OXNAD1: variants seen among roughly 807,000 people sequenced by gnomAD.
OXNAD1 encodes oxidoreductase NAD binding domain containing 1, also known as oxidoreductase NAD-binding domain-containing protein 1.
Under a neutral mutation model 32.9 loss-of-function variants are expected in OXNAD1, and 34 were observed. The observed-to-expected ratio is 1.03, with a 90% CI of 0.79 to 1.38. The LOEUF (loss-of-function observed/expected upper bound fraction) is 1.38, where lower values mean the gene tolerates loss of function less well. Among genes scored for constraint, OXNAD1 ranks in the 40% most tolerant of loss-of-function variants. The pLI is 0.00. For synonymous variants in OXNAD1, 134 were observed against 135.2 expected (o/e 0.99, Z 0.06); for missense variants, 407 against 379.4 (o/e 1.07, Z -0.60).
intron 9 of OXNAD1, among the ~76,000 whole-genome samples, chr3:16,328,441 G>T (rs1437443871): frequency 6.6e-6 from 1 of 152,232 alleles, no homozygotes; most frequent in Non-Finnish European, 1.5e-5. Flanking sequence ...AGGCAGAGGA[G>T]GAACAACCTA....
At position 16,326,914 on chromosome 3, in the gene OXNAD1, AC is replaced by A. The variant is rs779735356; in HGVS notation, c.*31-10197del. On this transcript the variant is annotated intron_variant, in intron 9 of 9. Coordinates refer to the OXNAD1 transcript ENST00000435829. ...GGCCAGCATTAGGGCTGCTGCTGCCACAAGCCAACTCCCAGGCAATGAGAGG... is the reference window on the plus strand; with the variant it reads ...GGCCAGCATTAGGGCTGCTGCTGCCAAAGCCAACTCCCAGGCAATGAGAGG... 3.3e-6 allele frequency: 5 copies of A among 1,516,232 alleles called. No individual in the cohort carries two copies. In the South Asian group the frequency reaches 3.4e-5, roughly 10 times the overall value. 93.9% of individuals were successfully genotyped at this position (1,516,232 alleles called of 1,614,324 possible).
chr3:16,330,267 C>T (rs1040656915), intron 9 of OXNAD1, among the ~76,000 whole-genome samples: 3 of 152,154 alleles, frequency 2.0e-5, no homozygotes, highest in African/African-American at 4.8e-5. Flanking sequence ...TCTCCCACTC[C>T]GACTATTTGG....
At position 16,327,137 on chromosome 3, in the gene OXNAD1, G is replaced by A. The variant is rs1366894023; in HGVS notation, c.*31-9975G>A. Among the ~76,000 whole-genome samples the A allele has an allele frequency of 6.6e-6, 1 of 152,182 alleles. No homozygotes were observed. Among genetic ancestry groups the A allele is most frequent in the Non-Finnish European group, 1.5e-5 (1 of 68,032 alleles). ...GCCAAAAGATTAATCCATTAATTTTGTTTGATTCTTGTCTGGACAAATAGC... is the reference window on the plus strand; with the variant it reads ...GCCAAAAGATTAATCCATTAATTTTATTTGATTCTTGTCTGGACAAATAGC... On this transcript the variant is annotated intron_variant, in intron 9 of 9. Transcript: ENST00000435829. The surrounding 1 kb of genome is among the most constrained non-coding windows in gnomAD (Gnocchi z 4.2).
chr3:16,311,624 C>G (rs960062632), intron 9 of OXNAD1, among the ~76,000 whole-genome samples: 6 of 152,124 alleles, frequency 3.9e-5, no homozygotes, highest in Non-Finnish European at 7.4e-5. Context: ...CCCTCATTCC[C>G]CAATCATTTG....
chr3:16,270,900 A>G, intron 2 of OXNAD1, 45 bp from the exon 3 acceptor site: 1 of 1,611,786 alleles, frequency 6.2e-7, no homozygotes, highest in Non-Finnish European at 8.5e-7. Flanking sequence ...ATATTTCCCC[A>G]CTTTTAAAAA....
intron 1 of OXNAD1, 71 bp from the exon 2 acceptor site, chr3:16,269,055 G>T: frequency 7.6e-7 from 1 of 1,314,792 alleles, no homozygotes; most frequent in African/African-American, 1.5e-5. Flanking sequence ...CTTTCCTTTG[G>T]CAGCTAAGAG....
rs907291887 is a variant in OXNAD1, at chr3:16,297,645, G to A, written c.432+2648G>A. 1.3e-5 allele frequency among the ~76,000 whole-genome samples: 2 copies of A among 152,168 alleles called. No individual in the cohort carries two copies. Among genetic ancestry groups the A allele is most frequent in the Non-Finnish European group, 2.9e-5 (2 of 68,042 alleles). ...GATAACTTGTGATATAGTCATACAA[G>A]GGACTATTAAAGAGATGAATTATTG... On this transcript the variant is annotated intron_variant, in intron 6 of 8. Transcript: ENST00000285083. This position sits in a 1 kb window ranked among gnomAD's most constrained non-coding sequence, Gnocchi z 4.3.
intron 9 of OXNAD1, among the ~76,000 whole-genome samples, chr3:16,343,652 G>A (rs1215101665): frequency 1.3e-5 from 2 of 152,126 alleles, no homozygotes; most frequent in Non-Finnish European, 2.9e-5. Context: ...TCATAAATTT[G>A]GTCAAAGATA....
At chr3:16,310,770 A>G (rs887305836), downstream of OXNAD1, among the ~76,000 whole-genome samples, 20 of 152,002 alleles carry the variant, frequency 1.3e-4, no homozygotes, top group Admixed American at 1.1e-3. Flanking sequence ...TGGGCAAATC[A>G]CCTGAGGTCG....
chr3:16,290,911 T>C lies in OXNAD1; in HGVS notation c.291-3945T>C, dbSNP rs922530305. Among the ~76,000 whole-genome samples, 11 of 152,202 alleles carry C rather than the reference T, an allele frequency of 7.2e-5. No homozygotes were observed. Among genetic ancestry groups the C allele is most frequent in the African/African-American group, 2.4e-4 (10 of 41,456 alleles). On this transcript the variant is annotated intron_variant, in intron 5 of 8. Transcript: ENST00000285083. This position sits in a 1 kb window ranked among gnomAD's most constrained non-coding sequence, Gnocchi z 4.2. ...AAGCAACTGGGGAAGGATGATACTTTTTGCTCTTGTGATGGCTGTGAAACA... is the reference window on the plus strand; with the variant it reads ...AAGCAACTGGGGAAGGATGATACTTCTTGCTCTTGTGATGGCTGTGAAACA...
Position 16,321,761 on chromosome 3 carries a change from C to T in OXNAD1, c.*31-15351C>T, listed in dbSNP as rs1169271729. 6.6e-6 allele frequency among the ~76,000 whole-genome samples: 1 copy of T among 152,212 alleles called. No individual in the cohort carries two copies. The highest frequency in any genetic ancestry group is 1.5e-5 in the Non-Finnish European group (1 of 68,030). On this transcript the variant is annotated intron_variant, in intron 9 of 9. Transcript: ENST00000435829. The surrounding 1 kb of genome is among the most constrained non-coding windows in gnomAD (Gnocchi z 4.8). Reference sequence around the variant, plus strand: ...AGCTGCTTGGGATTAGAAGTTTTTACTGACTGAAAAAACAGTGGGTCCCAT... The same window carrying T: ...AGCTGCTTGGGATTAGAAGTTTTTATTGACTGAAAAAACAGTGGGTCCCAT...
At position 16,265,282 on chromosome 3, in the gene OXNAD1, C is replaced by T. The variant is rs2064409577; in HGVS notation, c.-382C>T. On this transcript the variant is annotated 5_prime_UTR_variant, in exon 1 of 9. Transcript: ENST00000285083. This position sits in a 1 kb window ranked among gnomAD's most constrained non-coding sequence, Gnocchi z 4.8. The stretch of plus-strand genomic sequence containing the variant: ...GGTGCCAGCGGGGAAAGTTTCCCTG[C>T]TTCTTATCGTCTGCTTTAACGCCTT... The T allele has an allele frequency of 4.7e-6, 1 of 212,518 alleles. No individual in the cohort carries two copies. 13.2% of individuals were successfully genotyped at this position (212,518 alleles called of 1,614,324 possible). A position where few individuals can be genotyped will look rare whatever the true frequency, so the allele number is the denominator to read the frequency against.
At chr3:16,306,936 C>CTAA (rs2067602918), downstream of OXNAD1, among the ~76,000 whole-genome samples, 1 of 152,114 alleles carries the variant, frequency 6.6e-6, no homozygotes, top group Non-Finnish European at 1.5e-5. Flanking sequence ...AAACTTTCAC[C>CTAA]TAATTGTTTT....
At chr3:16,294,398 G>A (rs1389153539) in intron 5 of OXNAD1, among the ~76,000 whole-genome samples, 1 of 151,934 alleles carries the variant, frequency 6.6e-6, no homozygotes, top group Non-Finnish European at 1.5e-5. Context: ...TAGTAGAGAC[G>A]GGGTTTCACC....
chr3:16,271,787 T>A lies in OXNAD1; in HGVS notation c.183+65T>A. On this transcript the variant is annotated intron_variant, in intron 4 of 8. Transcript: ENST00000285083. This position sits in a 1 kb window ranked among gnomAD's most constrained non-coding sequence, Gnocchi z 4.6. ...CCGTTTACATGTGGTTATGACTGGCTTATGGGTAAAGCATTAGATGAGTCT... is the reference window on the plus strand; with the variant it reads ...CCGTTTACATGTGGTTATGACTGGCATATGGGTAAAGCATTAGATGAGTCT... The A allele has an allele frequency of 7.2e-7, 1 of 1,386,754 alleles. No individual in the cohort carries two copies. Among genetic ancestry groups the A allele is most frequent in the Admixed American group, 2.2e-5 (1 of 45,912 alleles). The allele number at this position is 1,386,754 out of a possible 1,614,324, so 85.9% of individuals were successfully genotyped here. A position where few individuals can be genotyped will look rare whatever the true frequency, so the allele number is the denominator to read the frequency against.
At position 16,303,460 on chromosome 3, in the gene OXNAD1, G is replaced by C. The variant is rs375573450; in HGVS notation, c.837G>C (p.Leu279Phe). The change falls in exon 9 of 9, where the codon TTG (leucine) becomes TTC (phenylalanine). Residue 279 changes from leucine to phenylalanine, a missense_variant. By Grantham distance (22) the Leu-to-Phe change is conservative. Coordinates refer to ENST00000285083, the MANE Select transcript of OXNAD1 (RefSeq NM_138381.5). The surrounding 1 kb of genome is among the most constrained non-coding windows in gnomAD (Gnocchi z 4.8). ...EIRDHISKETLFYICGPPPMT... is the reference protein window; with the variant it reads ...EIRDHISKETFFYICGPPPMT... ...GAGATCATATTTCAAAAGAGACTTT[G>C]TTCTATATTTGTGGCCCACCTCCAA... is the stretch of plus-strand genomic sequence containing the variant. The C allele has an allele frequency of 1.2e-5, 20 of 1,613,992 alleles. No homozygotes were observed. The highest frequency in any genetic ancestry group is 1.7e-5 in the Admixed American group (1 of 60,010).
chr3:16,311,038 G>A (rs1057333075), downstream of OXNAD1, among the ~76,000 whole-genome samples: 2 of 145,722 alleles, frequency 1.4e-5, no homozygotes, highest in Non-Finnish European at 3.0e-5. Flanking sequence ...TTCCCACTCT[G>A]CCCGTCAGAA....
Position 16,303,463 on chromosome 3 carries a change from C to A in OXNAD1, c.840C>A (p.Phe280Leu). Residue 280 changes from phenylalanine to leucine, a missense_variant, in exon 9 of 9, where the codon TTC becomes TTA. Transcript: ENST00000285083. The surrounding 1 kb of genome is among the most constrained non-coding windows in gnomAD (Gnocchi z 4.8). The stretch of plus-strand genomic sequence containing the variant: ...ATCATATTTCAAAAGAGACTTTGTT[C>A]TATATTTGTGGCCCACCTCCAATGA... ...IRDHISKETL[F>L]YICGPPPMTD... 1.2e-6 allele frequency: 2 copies of A among 1,614,010 alleles called. No homozygotes were observed. Among genetic ancestry groups the A allele is most frequent in the Non-Finnish European group, 1.7e-6 (2 of 1,179,918 alleles).
intron 9 of OXNAD1, chr3:16,347,455 C>A (rs1015368680): frequency 6.6e-6 from 1 of 152,212 alleles, no homozygotes; most frequent in Non-Finnish European, 1.5e-5. Context: ...GGGGGAGAAT[C>A]CGCTCATTGT....
Sources: gnomAD v4.1 joint callset for allele counts (sites outside exome capture counted in the v4.1 genomes callset) on GRCh38, gnomAD v4.1.1 for gene constraint, Gnocchi (gnomAD v3.1) non-coding constraint, MANE v1.5 for transcripts, NCBI Gene and HGNC (gene_info 2026-07-23, HGNC 2026-07-21) for gene names.